The following ZBTB7A variants were observed in gnomAD, a reference collection of about 807,000 sequenced individuals.
The protein encoded by ZBTB7A is zinc finger and BTB domain containing 7A, also known as zinc finger and BTB domain-containing protein 7A.
ZBTB7A carries 7 observed loss-of-function variants against 26.7 expected under a neutral mutation model. The ratio of observed to expected loss-of-function variants is 0.26; its 90% CI spans 0.15 to 0.49. The LOEUF is 0.49. ZBTB7A is among the 20% of genes least tolerant of loss of function. The pLI is 0.98. For missense variants in ZBTB7A, 617 were observed against 919.5 expected, an observed-to-expected ratio of 0.67 and a Z score of 4.25; for synonymous variants, 452 against 441.0, an observed-to-expected ratio of 1.02 and a Z score of -0.31.
Position 4,054,650 on chromosome 19 carries a change from GGTC to G in ZBTB7A, c.580_582del (p.Asp194del). Reference sequence around the variant, plus strand: ...GCCACGGCCTCCTTGGTGGCATCCAGGTCATCATCGGACGCCCCAAAGGCGGAC... The same window carrying G: ...GCCACGGCCTCCTTGGTGGCATCCAGATCATCGGACGCCCCAAAGGCGGAC... On this transcript the variant is annotated inframe_deletion, in exon 2 of 3. Transcript: ENST00000322357. 1 of 1,598,076 alleles carries G rather than the reference GGTC, an allele frequency of 6.3e-7. No individual in the cohort carries two copies. Among genetic ancestry groups the G allele is most frequent in the Non-Finnish European group, 8.5e-7 (1 of 1,173,460 alleles).
intron 2 of ZBTB7A, among the ~76,000 whole-genome samples, chr19:4,049,168 G>GTGTGTGTGTT (rs1403864466): frequency 6.7e-5 from 1 of 14,954 alleles, no homozygotes; most frequent in Non-Finnish European, 1.2e-4. Flanking sequence ...GTGTGTGTGT[G>GTGTGTGTGTT]TATATATATA....
chr19:4,064,461 C>G (rs1238536739), intron 1 of ZBTB7A, among the ~76,000 whole-genome samples: 1 of 152,246 alleles, frequency 6.6e-6, no homozygotes, highest in Non-Finnish European at 1.5e-5. Context: ...CTGAAGCCCT[C>G]AGGCCCTGGC....
intron 1 of ZBTB7A, among the ~76,000 whole-genome samples, chr19:4,059,978 G>A (rs1023788207): frequency 6.6e-6 from 1 of 152,054 alleles, no homozygotes; most frequent in African/African-American, 2.4e-5. Flanking sequence ...CCTCCAGGAA[G>A]CCCCGGCCCC....
intron 1 of ZBTB7A, among the ~76,000 whole-genome samples, chr19:4,062,396 C>A (rs555676023): frequency 4.6e-5 from 7 of 152,178 alleles, no homozygotes; most frequent in African/African-American, 1.7e-4. Context: ...GGAGGCTGGG[C>A]CTTGATAATC....
At chr19:4,055,870 G>A (rs938740341) in intron 1 of ZBTB7A, among the ~76,000 whole-genome samples, 4 of 151,942 alleles carry the variant, frequency 2.6e-5, no homozygotes, top group East Asian at 3.9e-4. Context: ...TGATCCAACC[G>A]CCCCTGCCTC....
chr19:4,060,710 C>G (rs577623553), intron 1 of ZBTB7A, among the ~76,000 whole-genome samples: 1 of 152,178 alleles, frequency 6.6e-6, no homozygotes, highest in East Asian at 1.9e-4. Context: ...GAAGGGGGAC[C>G]GGCAGAGAGG....
At chr19:4,064,590 AC>A (rs1460175210) in intron 1 of ZBTB7A, among the ~76,000 whole-genome samples, 2 of 152,052 alleles carry the variant, frequency 1.3e-5, no homozygotes, top group Non-Finnish European at 2.9e-5. Context: ...GTGGGGAGGC[AC>A]CCCCAGTGTG....
rs1204095297 is a variant in ZBTB7A, at chr19:4,047,778, C to T, written c.1729G>A (p.Gly577Ser). The part of the protein sequence containing the change: ...SGGGPGAATD[G>S]NFTAGLA Reference sequence around the variant, plus strand: ...TAGGCGAGTCCGGCTGTGAAGTTACCGTCGGTGGCGGCCCCGGGGCCACCT... The same window carrying T: ...TAGGCGAGTCCGGCTGTGAAGTTACTGTCGGTGGCGGCCCCGGGGCCACCT... Residue 577 changes from glycine to serine, a missense_variant, in exon 3 of 3, where the codon GGT becomes AGT. Physicochemically the swap from Gly to Ser is moderately conservative, Grantham distance 56 (BLOSUM62 0). Around this residue, in one of 5 missense-constraint regions of ZBTB7A, gnomAD observed 136 missense variants for 126.6 expected, o/e 1.07. Coordinates refer to ENST00000322357, the MANE Select transcript of ZBTB7A (RefSeq NM_015898.4). 1.9e-6 allele frequency: 3 copies of T among 1,599,204 alleles called. No individual in the cohort carries two copies. Among genetic ancestry groups the T allele is most frequent in the East Asian group, 2.3e-5 (1 of 43,336 alleles).
In ZBTB7A at chr19:4,055,351, C is replaced by T. The variant is rs2144995287; in HGVS notation, c.-15-104G>A. 11 of 1,404,180 alleles carry T rather than the reference C, an allele frequency of 7.8e-6. No individual in the cohort carries two copies. The South Asian group carries it at 1.6e-4, about 21-fold the overall frequency. 87.0% of individuals were successfully genotyped at this position (1,404,180 alleles called of 1,614,324 possible). A position where few individuals can be genotyped will look rare whatever the true frequency, so the allele number is the denominator to read the frequency against. ...CCTTGAGAAGCAGCGTTCCACCCTG[C>T]TCCCCCAGCCTCACATTCCCACCTG... On this transcript the variant is annotated intron_variant, in intron 1 of 2. Transcript: ENST00000322357.
In ZBTB7A at chr19:4,043,962, T is replaced by A. The variant is rs2040380353; in HGVS notation, c.*3790A>T. On this transcript the variant is annotated 3_prime_UTR_variant, in exon 3 of 3. Coordinates refer to ENST00000322357, the MANE Select transcript of ZBTB7A (RefSeq NM_015898.4). ...TAGGATTTTTGCTTTTTTTGTTGGT[T>A]TTTAATATTTTTTTTTCTTCTGTTT... is the stretch of plus-strand genomic sequence containing the variant. Among the ~76,000 whole-genome samples, 1 of 150,312 alleles carries A rather than the reference T, an allele frequency of 6.7e-6. No homozygotes were observed. Among genetic ancestry groups the A allele is most frequent in the Admixed American group, 6.6e-5 (1 of 15,244 alleles).
At chr19:4,059,098 G>T (rs377346509) in intron 1 of ZBTB7A, among the ~76,000 whole-genome samples, 6 of 152,318 alleles carry the variant, frequency 3.9e-5, no homozygotes, top group African/African-American at 1.2e-4. Context: ...GCCCTGGGCC[G>T]CGGGGAGCGT....
rs1481451750 is a variant in ZBTB7A at position 4,054,445 on chromosome 19, G to A, written c.788C>T (p.Pro263Leu). Residue 263 changes from proline (P) to leucine (L), a missense_variant, in exon 2 of 3, where the codon CCG (proline) becomes CTG (leucine). Transcript: ENST00000322357. ...TGGLFPPPVAPPAATQNGHYG... is the reference protein window; with the variant it reads ...TGGLFPPPVALPAATQNGHYG... The stretch of plus-strand genomic sequence containing the variant: ...GTGGCCGTTCTGCGTGGCGGCCGGC[G>A]GGGCCACCGGCGGCGGAAAGAGACC... 5.2e-6 allele frequency: 7 copies of A among 1,357,882 alleles called. No individual in the cohort carries two copies. Among genetic ancestry groups the A allele is most frequent in the South Asian group, 3.4e-5 (2 of 58,338 alleles). The allele number at this position is 1,357,882 out of a possible 1,614,324, so 84.1% of individuals were successfully genotyped here.
rs1396362012 is a variant in ZBTB7A at position 4,049,212 on chromosome 19, A to ATATATATATATAT, written c.1263-969_1263-968insATATATATATATA. The stretch of plus-strand genomic sequence containing the variant: ...TATATATATATATATATATATATGT[A>ATATATATATATAT]AGTTTGAGAGATGGGGGTTGAGCTA... On this transcript the variant is annotated intron_variant, in intron 2 of 2. Transcript: ENST00000322357. Among the ~76,000 whole-genome samples the ATATATATATATAT allele has an allele frequency of 3.0e-3, 69 of 23,214 alleles. 14 individuals are homozygous for ATATATATATATAT. Among genetic ancestry groups the ATATATATATATAT allele is most frequent in the Non-Finnish European group, 9.4e-3 (53 of 5,636 alleles). 15.2% of individuals were successfully genotyped at this position (23,214 alleles called of 152,430 possible). A position where few individuals can be genotyped will look rare whatever the true frequency, so the allele number is the denominator to read the frequency against.
chr19:4,045,845 G>A lies in ZBTB7A; in HGVS notation c.*1907C>T, dbSNP rs979482909. On this transcript the variant is annotated 3_prime_UTR_variant, in exon 3 of 3. Transcript: ENST00000322357. This position sits in a 1 kb window ranked among gnomAD's most constrained non-coding sequence, Gnocchi z 4.1. Reference sequence around the variant, plus strand: ...GGGAGCCAGAGGTTGGGGGGAGGCAGGTCCCAGTCCCCCTGGATTACAGTC... The same window carrying A: ...GGGAGCCAGAGGTTGGGGGGAGGCAAGTCCCAGTCCCCCTGGATTACAGTC... 2 of 398,744 alleles carry A rather than the reference G, an allele frequency of 5.0e-6. No homozygotes were observed. The highest frequency in any genetic ancestry group is 2.1e-5 in the African/African-American group (1 of 48,634). 24.7% of individuals were successfully genotyped at this position (398,744 alleles called of 1,614,324 possible).
At position 4,047,681 on chromosome 19, in the gene ZBTB7A, G is replaced by T. The variant is rs1466625602; in HGVS notation, c.*71C>A. On this transcript the variant is annotated 3_prime_UTR_variant, in exon 3 of 3. Transcript: ENST00000322357. ...TTTTCTTTTTTTGTGTTTTTGGGGG[G>T]GTGGTGGGTGATTTTTTTTCTCTCT... is the stretch of plus-strand genomic sequence containing the variant. 2.6e-6 allele frequency: 4 copies of T among 1,523,354 alleles called. No individual in the cohort carries two copies. Among genetic ancestry groups the T allele is most frequent in the Non-Finnish European group, 3.5e-6 (4 of 1,136,212 alleles). The allele number at this position is 1,523,354 out of a possible 1,614,324, so 94.4% of individuals were successfully genotyped here.
intron 1 of ZBTB7A, among the ~76,000 whole-genome samples, chr19:4,060,740 G>A (rs2040630070): frequency 6.6e-6 from 1 of 152,240 alleles, no homozygotes; most frequent in Non-Finnish European, 1.5e-5. Flanking sequence ...CGCTAGTGCA[G>A]GGTGTGGGAG....
intron 2 of ZBTB7A, among the ~76,000 whole-genome samples, chr19:4,050,384 T>A (rs2040489370): frequency 6.6e-6 from 1 of 152,224 alleles, no homozygotes; most frequent in African/African-American, 2.4e-5. Flanking sequence ...TCTGTTGATT[T>A]CCTTGTTTCT....
intron 1 of ZBTB7A, among the ~76,000 whole-genome samples, chr19:4,061,314 G>T (rs926554035): frequency 1.3e-5 from 2 of 152,202 alleles, no homozygotes; most frequent in African/African-American, 4.8e-5. Flanking sequence ...CCGGCCCAAG[G>T]TCACACTGTA....
At chr19:4,058,348 G>T (rs2040603973) in intron 1 of ZBTB7A, among the ~76,000 whole-genome samples, 1 of 152,224 alleles carries the variant, frequency 6.6e-6, no homozygotes, top group African/African-American at 2.4e-5. Context: ...GCCCTCTCTG[G>T]GCCTCAGTCT....
Sources: gnomAD v4.1 joint callset for allele counts (sites outside exome capture counted in the v4.1 genomes callset) on GRCh38, gnomAD v4.1.1 for gene constraint, gnomAD v4.1.1 regional missense constraint, Gnocchi (gnomAD v3.1) non-coding constraint, MANE v1.5 for transcripts, NCBI Gene and HGNC (gene_info 2026-07-23, HGNC 2026-07-21) for gene names.